Variants in CRACD observed in about 807,000 individuals in gnomAD.
The protein encoded by CRACD is capping protein-inhibiting regulator of actin dynamics.
Under a neutral mutation model 106.8 loss-of-function variants are expected in CRACD, and 56 were observed. The observed-to-expected ratio is 0.52, with a 90% confidence interval of 0.42 to 0.66. The LOEUF (loss-of-function observed/expected upper bound fraction) is 0.66, where lower values mean the gene tolerates loss of function less well. Ranked by LOEUF, CRACD falls within the 30% of genes least tolerant of loss-of-function variation. The pLI is 0.00. For synonymous variants in CRACD, 754 were observed against 670.8 expected, an observed-to-expected ratio of 1.12 and a Z score of -1.92; for missense variants, 1,730 against 1,623.2, an observed-to-expected ratio of 1.07 and a Z score of -1.13.
At chr4:56,244,600 A>G (rs1489381731) in intron 2 of CRACD, among the ~76,000 whole-genome samples, 1 of 152,198 alleles carries the variant, frequency 6.6e-6, no homozygotes, top group Non-Finnish European at 1.5e-5. Context: ...CTCTGGACTC[A>G]TTGATAAATG....
intron 2 of CRACD, among the ~76,000 whole-genome samples, chr4:56,270,921 AACACACACAC>A (rs35109908): frequency 4.1e-5 from 6 of 145,644 alleles, no homozygotes; most frequent in Non-Finnish European, 6.0e-5. Context: ...GTCTCTACTA[AACACACACAC>A]ACACACACAC....
Position 56,314,219 on chromosome 4 carries a change from G to C in CRACD, c.717G>C (p.Lys239Asn), listed in dbSNP as rs1166645729. 1 of 1,604,422 alleles carries C rather than the reference G, an allele frequency of 6.2e-7. No individual in the cohort carries two copies. The highest frequency in any genetic ancestry group is 1.7e-5 in the Admixed American group (1 of 57,530). The change falls in exon 8 of 11, where the codon AAG (lysine) becomes AAC (asparagine). Residue 239 changes from lysine (K) to asparagine (N), a missense_variant. Lys to Asn is a moderately conservative substitution (Grantham distance 94). Transcript: ENST00000682029. This position sits in a 1 kb window ranked among gnomAD's most constrained non-coding sequence, Gnocchi z 4.4. The part of the protein sequence containing the change: ...RELEAKCKRQ[K>N]AEAAEKRRLE... ...TGGAGGCCAAGTGCAAGCGGCAAAA[G>C]GCGGAAGCAGCCGAGAAGAGACGCC...
At chr4:56,213,519 C>T (rs1024912505) in intron 2 of CRACD, among the ~76,000 whole-genome samples, 1 of 152,194 alleles carries the variant, frequency 6.6e-6, no homozygotes, top group Non-Finnish European at 1.5e-5. Flanking sequence ...ATCACCTCCA[C>T]TTCCACAGCC....
intron 3 of CRACD, among the ~76,000 whole-genome samples, chr4:56,294,152 G>C (rs1743854311): frequency 6.6e-6 from 1 of 151,728 alleles, no homozygotes; most frequent in Non-Finnish European, 1.5e-5. Context: ...CCTGAATCCA[G>C]GAGTTCAAGG....
At chr4:56,318,697 G>A (rs1745847126) in intron 8 of CRACD, among the ~76,000 whole-genome samples, 10 of 152,150 alleles carry the variant, frequency 6.6e-5, no homozygotes, top group Admixed American at 5.2e-4. Flanking sequence ...TGAAAGCAAG[G>A]ATCACTCTCT....
At chr4:56,125,841 G>A in intron 1 of CRACD, among the ~76,000 whole-genome samples, 1 of 131,808 alleles carries the variant, frequency 7.6e-6, no homozygotes. Context: ...GCACGATCTT[G>A]GCTCACTGCA....
rs1326775684 is a variant in CRACD at position 56,315,389 on chromosome 4, C to T, written c.1887C>T (p.His629=). The stretch of plus-strand genomic sequence containing the variant: ...TCCTGGGCTTGGAGGAGAAGAAGCA[C>T]GCGGAAGCCCCAGCTGGGGAGAACC... ...KSLLGLEEKK[H]AEAPAGENPP... The change falls in exon 8 of 11, where the codon CAC becomes CAT. Residue 629 remains histidine (H), a synonymous_variant. Transcript: ENST00000682029. The surrounding 1 kb of genome is among the most constrained non-coding windows in gnomAD (Gnocchi z 4.1). 3.1e-6 allele frequency: 5 copies of T among 1,612,502 alleles called. No homozygotes were observed. Among genetic ancestry groups the T allele is most frequent in the East Asian group, 2.2e-5 (1 of 44,848 alleles).
chr4:56,102,651 C>T lies in CRACD; in HGVS notation c.-336+53352C>T, dbSNP rs571026629. On this transcript the variant is annotated intron_variant, in intron 1 of 10. Coordinates refer to ENST00000682029, the MANE Select transcript of CRACD (RefSeq NM_001393381.1). ...ATATGTGATCTTGTATCTGAACTTT[C>T]TGAAAACCCACATCATCACCTCCTT... Among the ~76,000 whole-genome samples the T allele has an allele frequency of 5.1e-4, 78 of 152,298 alleles. 1 individual carries two copies. Among genetic ancestry groups the T allele is most frequent in the East Asian group, 2.5e-3 (13 of 5,192 alleles).
chr4:56,062,313 A>AT (rs1443540877), intron 1 of CRACD, among the ~76,000 whole-genome samples: 1 of 152,176 alleles, frequency 6.6e-6, no homozygotes, highest in African/African-American at 2.4e-5. Context: ...TGTCATTATG[A>AT]TTTTTTTAAG....
At chr4:56,290,648 C>T (rs973018549) in intron 3 of CRACD, among the ~76,000 whole-genome samples, 5 of 152,132 alleles carry the variant, frequency 3.3e-5, no homozygotes, top group Admixed American at 2.6e-4. Context: ...TTTCAAAGCC[C>T]AACCTGTCTG....
chr4:56,055,488 C>T lies in CRACD; in HGVS notation c.-336+6189C>T, dbSNP rs77770175. ...CCATTGCCAATACCATTTATGGTCT[C>T]GGGTGGGGGCCACAGCTCATGTTCT... is the stretch of plus-strand genomic sequence containing the variant. On this transcript the variant is annotated intron_variant, in intron 1 of 10. Transcript: ENST00000682029. 1.8e-3 allele frequency among the ~76,000 whole-genome samples: 267 copies of T among 152,086 alleles called. 2 individuals are homozygous for T. The highest frequency in any genetic ancestry group is 6.0e-3 in the African/African-American group (250 of 41,502).
chr4:56,049,796 A>G (rs184232452), intron 1 of CRACD: 1 of 152,322 alleles, frequency 6.6e-6, no homozygotes, highest in Non-Finnish European at 1.5e-5. Flanking sequence ...TGTTGCCCCA[A>G]TTCTGATGAG....
chr4:56,178,285 G>A (rs1253310348), intron 1 of CRACD, among the ~76,000 whole-genome samples: 2 of 152,122 alleles, frequency 1.3e-5, no homozygotes, highest in African/African-American at 2.4e-5. Context: ...CAAAAGGTCC[G>A]TTCACTTTAT....
At chr4:56,111,812 C>A (rs777063157) in intron 1 of CRACD, among the ~76,000 whole-genome samples, 1 of 152,154 alleles carries the variant, frequency 6.6e-6, no homozygotes, top group Non-Finnish European at 1.5e-5. Flanking sequence ...GCCAACGCAC[C>A]CAGCCTGAAA....
In CRACD at chr4:56,315,626, C is replaced by T. The variant is rs1745573924; in HGVS notation, c.2124C>T (p.Asn708=). 20 of 1,614,188 alleles carry T rather than the reference C, an allele frequency of 1.2e-5. No individual in the cohort carries two copies. Among genetic ancestry groups the T allele is most frequent in the Non-Finnish European group, 1.4e-5 (17 of 1,180,030 alleles). Residue 708 remains asparagine, a synonymous_variant, in exon 8 of 11, where the codon AAC becomes AAT. Transcript: ENST00000682029. This position sits in a 1 kb window ranked among gnomAD's most constrained non-coding sequence, Gnocchi z 4.1. ...TPRGRCDSRG[N]QRKTPPVNAK... The stretch of plus-strand genomic sequence containing the variant: ...GGGGCCGGTGTGATTCCCGCGGGAA[C>T]CAACGGAAGACTCCGCCAGTCAATG...
At position 56,244,799 on chromosome 4, in the gene CRACD, A is replaced by T. The variant is rs138666174; in HGVS notation, c.-188-27522A>T. Among the ~76,000 whole-genome samples the T allele has an allele frequency of 2.9e-3, 441 of 152,324 alleles. 1 individual carries two copies. The highest frequency in any genetic ancestry group is 5.6e-3 in the Admixed American group (86 of 15,298). On this transcript the variant is annotated intron_variant, in intron 2 of 10. Transcript: ENST00000682029. ...CTGCTCTGTTTGTTAAAAGTTTTGA[A>T]TATAACTCCTGCTCACAAATCATGA... is the stretch of plus-strand genomic sequence containing the variant.
chr4:56,241,850 A>G (rs968960670), intron 2 of CRACD, among the ~76,000 whole-genome samples: 3 of 152,216 alleles, frequency 2.0e-5, no homozygotes, highest in African/African-American at 7.2e-5. Flanking sequence ...CAGAGGGAGA[A>G]ACTGAAGGGC....
chr4:56,289,817 T>A (rs898702076), intron 3 of CRACD, among the ~76,000 whole-genome samples: 9 of 152,204 alleles, frequency 5.9e-5, no homozygotes, highest in Non-Finnish European at 1.0e-4. Flanking sequence ...TCATATAATG[T>A]CATTTTCTCT....
intron 1 of CRACD, among the ~76,000 whole-genome samples, chr4:56,139,389 C>G (rs1735118685): frequency 6.6e-6 from 1 of 152,042 alleles, no homozygotes; most frequent in Non-Finnish European, 1.5e-5. Context: ...AATCTTCTGT[C>G]TTTTTCATTG....
Sources: gnomAD v4.1 joint callset for allele counts (sites outside exome capture counted in the v4.1 genomes callset) on GRCh38, gnomAD v4.1.1 for gene constraint, Gnocchi (gnomAD v3.1) non-coding constraint, MANE v1.5 for transcripts, NCBI Gene and HGNC (gene_info 2026-07-23, HGNC 2026-07-21) for gene names.